HDAC9: variants seen among roughly 807,000 people sequenced by gnomAD.
The protein encoded by HDAC9 is histone deacetylase 9, also known as MEF-2 interacting transcription repressor (MITR) protein.
In HDAC9, 41 loss-of-function variants were observed where a neutral mutation model predicts 139.4. The observed-to-expected ratio is 0.29, with a 90% CI of 0.23 to 0.38. The LOEUF (loss-of-function observed/expected upper bound fraction) is 0.38. HDAC9 is among the 10% of genes least tolerant of loss of function. HDAC9 has a pLI of 1.00. For synonymous variants in HDAC9, 517 were observed against 476.2 expected (o/e 1.09, Z -1.12); for missense variants, 1,147 against 1,297.0 (o/e 0.88, Z 1.78).
At chr7:18,771,889 C>T (rs1364955023) in intron 16 of HDAC9, among the ~76,000 whole-genome samples, 1 of 151,998 alleles carries the variant, frequency 6.6e-6, no homozygotes, top group Non-Finnish European at 1.5e-5. Flanking sequence ...TGAAACAAAA[C>T]CAATATTTTC....
chr7:18,220,165 T>C (rs972276627), intron 2 of HDAC9, among the ~76,000 whole-genome samples: 2 of 152,130 alleles, frequency 1.3e-5, no homozygotes, highest in Non-Finnish European at 2.9e-5. Flanking sequence ...AATGAAAAAT[T>C]CAGTGATTTG....
At chr7:18,966,688 G>A (rs1187799490) in intron 24 of HDAC9, among the ~76,000 whole-genome samples, 9 of 150,428 alleles carry the variant, frequency 6.0e-5, no homozygotes, top group Admixed American at 6.7e-5. Flanking sequence ...GTGACAGAGC[G>A]AGACTCCGAC....
intron 14 of HDAC9, among the ~76,000 whole-genome samples, chr7:18,758,418 G>A (rs1214519799): frequency 6.6e-6 from 1 of 152,134 alleles, no homozygotes; most frequent in Non-Finnish European, 1.5e-5. Context: ...ACTCAAGAGA[G>A]CCTTGAGAGA....
intron 2 of HDAC9, among the ~76,000 whole-genome samples, chr7:18,244,975 C>G (rs1794422697): frequency 1.5e-5 from 1 of 68,312 alleles, no homozygotes; most frequent in Non-Finnish European, 3.2e-5. Flanking sequence ...ATATATACAT[C>G]TCTCTATTAT....
intron 1 of HDAC9, among the ~76,000 whole-genome samples, chr7:18,367,309 C>G (rs1293997635): frequency 6.6e-6 from 1 of 152,042 alleles, no homozygotes; most frequent in Middle Eastern, 3.2e-3. Context: ...CTAGTCCTTG[C>G]AAGCATGTGG....
chr7:18,417,142 T>C (rs1789150200), intron 1 of HDAC9, among the ~76,000 whole-genome samples: 1 of 152,200 alleles, frequency 6.6e-6, no homozygotes, highest in Non-Finnish European at 1.5e-5. Context: ...ATCTGTGCTT[T>C]CTTTTGGGTA....
At chr7:18,619,696 A>T (rs1839688569) in intron 6 of HDAC9, among the ~76,000 whole-genome samples, 1 of 152,210 alleles carries the variant, frequency 6.6e-6, no homozygotes, top group African/African-American at 2.4e-5. Flanking sequence ...CATGTTGCAT[A>T]ACCTCTATAA....
chr7:18,230,430 C>CA (rs1341446784), intron 2 of HDAC9, among the ~76,000 whole-genome samples: 3 of 152,188 alleles, frequency 2.0e-5, no homozygotes, highest in Non-Finnish European at 4.4e-5. Flanking sequence ...GAGCTGCTGT[C>CA]AAAGACCGTA....
intron 17 of HDAC9, among the ~76,000 whole-genome samples, chr7:18,809,081 A>C (rs1193004263): frequency 2.6e-5 from 4 of 152,090 alleles, no homozygotes; most frequent in Non-Finnish European, 5.9e-5. Flanking sequence ...TCAAGAATAC[A>C]AAATGGGGAA....
At chr7:18,817,334 GAGA>G (rs1794649052) in intron 17 of HDAC9, among the ~76,000 whole-genome samples, 1 of 151,870 alleles carries the variant, frequency 6.6e-6, no homozygotes, top group Admixed American at 6.6e-5. Context: ...GCGCCCGGCC[GAGA>G]AGTATTATTT....
At chr7:18,683,216 A>G (rs1033293560) in intron 12 of HDAC9, among the ~76,000 whole-genome samples, 1 of 152,090 alleles carries the variant, frequency 6.6e-6, no homozygotes, top group African/African-American at 2.4e-5. Context: ...AATTAAACTT[A>G]CAAATTAATT....
chr7:18,655,500 T>C (rs2129048630), intron 11 of HDAC9, among the ~76,000 whole-genome samples: 1 of 152,296 alleles, frequency 6.6e-6, no homozygotes, highest in East Asian at 1.9e-4. Flanking sequence ...AATCCACTTA[T>C]AGAATACCAG....
chr7:18,324,089 G>A (rs1336912244), intron 1 of HDAC9, among the ~76,000 whole-genome samples: 1 of 151,884 alleles, frequency 6.6e-6, no homozygotes, highest in Non-Finnish European at 1.5e-5. Context: ...AATCACACTG[G>A]GGATGAAGCT....
In HDAC9 at chr7:18,990,018, A is replaced by G. The variant is rs186623532; in HGVS notation, c.3171-6005A>G. Among the ~76,000 whole-genome samples, 335 of 152,042 alleles carry G rather than the reference A, an allele frequency of 2.2e-3. 1 individual carries two copies. Among genetic ancestry groups the G allele is most frequent in the African/African-American group, 7.8e-3 (324 of 41,448 alleles). Reference sequence around the variant, plus strand: ...GTTTGAATGTCCTCCCGTAGCTCAGAGTAATTTGATCGTCTGAAGCCTTCT... The same window carrying G: ...GTTTGAATGTCCTCCCGTAGCTCAGGGTAATTTGATCGTCTGAAGCCTTCT... On this transcript the variant is annotated intron_variant, in intron 25 of 25. Coordinates refer to ENST00000686413, the MANE Select transcript of HDAC9 (RefSeq NM_178425.4).
Position 18,923,399 on chromosome 7 carries a change from A to G in HDAC9, c.2804-12410A>G, listed in dbSNP as rs981331557. ...CTAATCTCATTATAGACCCTTGTTG[A>G]AAGATGTCCATGACCTCTCAGTTTG... On this transcript the variant is annotated intron_variant, in intron 22 of 25. Transcript: ENST00000686413. Among the ~76,000 whole-genome samples the G allele has an allele frequency of 5.9e-5, 9 of 152,140 alleles. No homozygotes were observed. In the East Asian group the frequency reaches 1.7e-3, roughly 29 times the overall value.
At chr7:18,272,813 C>G (rs2128214645) in intron 2 of HDAC9, among the ~76,000 whole-genome samples, 1 of 151,886 alleles carries the variant, frequency 6.6e-6, no homozygotes, top group South Asian at 2.1e-4. Flanking sequence ...CAAGCTAATT[C>G]TCAGATTTAT....
intron 2 of HDAC9, among the ~76,000 whole-genome samples, chr7:18,211,956 C>T (rs986465301): frequency 6.6e-6 from 1 of 152,060 alleles, no homozygotes; most frequent in African/African-American, 2.4e-5. Flanking sequence ...GGAAAGTCAC[C>T]TGGGATTAAG....
At chr7:18,300,338 C>T (rs1408938579) in intron 1 of HDAC9, among the ~76,000 whole-genome samples, 2 of 152,036 alleles carry the variant, frequency 1.3e-5, no homozygotes, top group Non-Finnish European at 2.9e-5. Flanking sequence ...CAAGGAATGA[C>T]AGGGGTTAAG....
At chr7:18,674,676 T>A (rs751185) in intron 12 of HDAC9, among the ~76,000 whole-genome samples, 3,371 of 152,158 alleles carry the variant, frequency 0.022, 114 homozygotes, top group African/African-American at 0.068. Flanking sequence ...TGTAAATGGT[T>A]AAAGGCATTT....
Sources: allele counts gnomAD v4.1 joint callset (sites outside exome capture counted in the v4.1 genomes callset), GRCh38; gene constraint gnomAD v4.1.1; transcripts MANE v1.5; gene names NCBI Gene and HGNC (gene_info 2026-07-23, HGNC 2026-07-21).